The following PCDHB13 variants were observed in gnomAD, a reference collection of about 807,000 sequenced individuals.
PCDHB13 encodes protocadherin beta 13.
For missense variants in PCDHB13, 1,065 were observed against 1,016.7 expected, an observed-to-expected ratio of 1.05 and a Z score of -0.65; for synonymous variants, 515 against 450.7, an observed-to-expected ratio of 1.14 and a Z score of -1.81.
At position 141,217,818 on chromosome 5, in the gene PCDHB13, G is replaced by A. The variant is rs1033152781; in HGVS notation, c.*1298G>A. 12 of 166,972 alleles carry A rather than the reference G, an allele frequency of 7.2e-5. No homozygotes were observed. Among genetic ancestry groups the A allele is most frequent in the Non-Finnish European group, 1.6e-4 (11 of 68,120 alleles). 10.3% of individuals were successfully genotyped at this position (166,972 alleles called of 1,614,324 possible). The stretch of plus-strand genomic sequence containing the variant: ...ATGTAGAATAACAAAATGAGTAAAA[G>A]TATAGAGGCAAAACAAGCATGTGTA... On this transcript the variant is annotated 3_prime_UTR_variant, in exon 1 of 1. Coordinates refer to ENST00000341948, the MANE Select transcript of PCDHB13 (RefSeq NM_018933.4).
chr5:141,217,120 A>G lies in PCDHB13; in HGVS notation c.*600A>G, dbSNP rs1214392758. On this transcript the variant is annotated 3_prime_UTR_variant, in exon 1 of 1. Transcript: ENST00000341948. The stretch of plus-strand genomic sequence containing the variant: ...ATCCTGGAGAGGATTGTGCAGGCAC[A>G]TTAATATTGTGACCAATCACAGAAT... 4 of 168,298 alleles carry G rather than the reference A, an allele frequency of 2.4e-5. No homozygotes were observed. The highest frequency in any genetic ancestry group is 1.4e-5 in the Non-Finnish European group (1 of 69,076). The allele number at this position is 168,298 out of a possible 1,614,324, so 10.4% of individuals were successfully genotyped here.
chr5:141,216,440 A>T lies in PCDHB13; in HGVS notation c.2317A>T (p.Asn773Tyr), dbSNP rs140404643. 7.6e-5 allele frequency: 123 copies of T among 1,613,816 alleles called. 1 individual carries two copies. Among genetic ancestry groups the T allele is most frequent in the Middle Eastern group, 6.6e-4 (4 of 6,060 alleles). Reference sequence around the variant, plus strand: ...CAAGTTCCTGAAGCCGATTATCCCCAACTTCCCTCCCCAGTGCCCTGGGAA... The same window carrying T: ...CAAGTTCCTGAAGCCGATTATCCCCTACTTCCCTCCCCAGTGCCCTGGGAA... ...EFKFLKPIIP[N>Y]FPPQCPGKEI... The change falls in exon 1 of 1, where the codon AAC becomes TAC. Residue 773 changes from asparagine to tyrosine, a missense_variant. Coordinates refer to ENST00000341948, the MANE Select transcript of PCDHB13 (RefSeq NM_018933.4).
chr5:141,214,136 G>C lies in PCDHB13; in HGVS notation c.13G>C (p.Gly5Arg). 3.7e-6 allele frequency: 6 copies of C among 1,614,062 alleles called. No homozygotes were observed. Among genetic ancestry groups the C allele is most frequent in the Non-Finnish European group, 5.1e-6 (6 of 1,180,004 alleles). ...TCCAGCAAGAACAATGGAGGCCAGC[G>C]GGAAGCTCATTTGCAGACAAAGGCA... MEAS[G>R]KLICRQRQVL... The change falls in exon 1 of 1, where the codon GGG becomes CGG. Residue 5 changes from glycine to arginine, a missense_variant. Coordinates refer to ENST00000341948, the MANE Select transcript of PCDHB13 (RefSeq NM_018933.4).
In PCDHB13 at chr5:141,215,070, A is replaced by C; in HGVS notation, c.947A>C (p.Tyr316Ser). 6.2e-7 allele frequency: 1 copy of C among 1,614,218 alleles called. No homozygotes were observed. Among genetic ancestry groups the C allele is most frequent in the Non-Finnish European group, 8.5e-7 (1 of 1,180,030 alleles). ...CTCGATTTCGAAAAACTTCAGTCCTATGAAGTCAATATTGAGGCAAGAGAT... is the reference window on the plus strand; with the variant it reads ...CTCGATTTCGAAAAACTTCAGTCCTCTGAAGTCAATATTGAGGCAAGAGAT... The part of the protein sequence containing the change: ...KQLDFEKLQS[Y>S]EVNIEARDAG... Residue 316 changes from tyrosine to serine, a missense_variant, in exon 1 of 1, where the codon TAT (tyrosine) becomes TCT (serine). By Grantham distance (144) the Tyr-to-Ser change is moderately radical. Coordinates refer to ENST00000341948, the MANE Select transcript of PCDHB13 (RefSeq NM_018933.4).
In PCDHB13 at chr5:141,215,794, C is replaced by T. The variant is rs565649946; in HGVS notation, c.1671C>T (p.Asn557=). The T allele has an allele frequency of 9.9e-5, 160 of 1,611,504 alleles. 1 individual carries two copies. The highest frequency in any genetic ancestry group is 1.9e-5 in the Non-Finnish European group (23 of 1,179,702). Residue 557 remains asparagine, a synonymous_variant, in exon 1 of 1, where the codon AAC becomes AAT. Transcript: ENST00000341948. ...VRVVVLDAND[N]SPFVLYPLQN... ...TGGTGGTGCTGGACGCCAACGACAACTCGCCCTTCGTGCTGTACCCGCTGC... is the reference window on the plus strand; with the variant it reads ...TGGTGGTGCTGGACGCCAACGACAATTCGCCCTTCGTGCTGTACCCGCTGC...
rs17844613 is a variant in PCDHB13 at position 141,215,783 on chromosome 5, G to A, written c.1660G>A (p.Ala554Thr). 6.2e-7 allele frequency: 1 copy of A among 1,611,698 alleles called. No individual in the cohort carries two copies. Among genetic ancestry groups the A allele is most frequent in the Non-Finnish European group, 8.5e-7 (1 of 1,179,694 alleles). The change falls in exon 1 of 1, where the codon GCC becomes ACC. Residue 554 changes from alanine to threonine, a missense_variant. Coordinates refer to ENST00000341948, the MANE Select transcript of PCDHB13 (RefSeq NM_018933.4). ...GCTGGTGCGCGTGGTGGTGCTGGACGCCAACGACAACTCGCCCTTCGTGCT... is the reference window on the plus strand; with the variant it reads ...GCTGGTGCGCGTGGTGGTGCTGGACACCAACGACAACTCGCCCTTCGTGCT... ...EALVRVVVLD[A>T]NDNSPFVLYP...
rs1160257193 is a variant in PCDHB13, at chr5:141,218,135, G to GA, written c.*1616dup. The GA allele has an allele frequency of 1.3e-5, 2 of 155,494 alleles. No individual in the cohort carries two copies. The highest frequency in any genetic ancestry group is 2.4e-5 in the African/African-American group (1 of 41,360). 9.6% of individuals were successfully genotyped at this position (155,494 alleles called of 1,614,324 possible). A position where few individuals can be genotyped will look rare whatever the true frequency, so the allele number is the denominator to read the frequency against. On this transcript the variant is annotated 3_prime_UTR_variant, in exon 1 of 1. Coordinates refer to ENST00000341948, the MANE Select transcript of PCDHB13 (RefSeq NM_018933.4). ...CACTAATTTTTGCATATTTAGTAGA[G>GA]ACGAGGTTTCATCATATTGCCCAGA... is the stretch of plus-strand genomic sequence containing the variant.
rs949942294 is a variant in PCDHB13, at chr5:141,218,213, T to A, written c.*1693T>A. 1.2e-5 allele frequency: 2 copies of A among 165,594 alleles called. No homozygotes were observed. Among genetic ancestry groups the A allele is most frequent in the Admixed American group, 6.5e-5 (1 of 15,288 alleles). The allele number at this position is 165,594 out of a possible 1,614,324, so 10.3% of individuals were successfully genotyped here. On this transcript the variant is annotated 3_prime_UTR_variant, in exon 1 of 1. Transcript: ENST00000341948. Reference sequence around the variant, plus strand: ...GTCTGCCTGCCTCAGCCTCCCAAAGTGCTATGATTACAGGTATGAGCACCT... The same window carrying A: ...GTCTGCCTGCCTCAGCCTCCCAAAGAGCTATGATTACAGGTATGAGCACCT...
rs376915326 is a variant in PCDHB13 at position 141,216,463 on chromosome 5, G to T, written c.2340G>T (p.Gly780=). Residue 780 remains glycine, a synonymous_variant, in exon 1 of 1, where the codon GGG becomes GGT. Coordinates refer to ENST00000341948, the MANE Select transcript of PCDHB13 (RefSeq NM_018933.4). ...IIPNFPPQCP[G]KEIQGNSTFP... Reference sequence around the variant, plus strand: ...CCAACTTCCCTCCCCAGTGCCCTGGGAAAGAAATACAAGGAAATTCTACCT... The same window carrying T: ...CCAACTTCCCTCCCCAGTGCCCTGGTAAAGAAATACAAGGAAATTCTACCT... 2.5e-6 allele frequency: 4 copies of T among 1,613,964 alleles called. No homozygotes were observed. Among genetic ancestry groups the T allele is most frequent in the Non-Finnish European group, 3.4e-6 (4 of 1,180,022 alleles).
rs1554287937 is a variant in PCDHB13, at chr5:141,215,508, A to C, written c.1385A>C (p.Glu462Ala). ...ACCTCCTACACCCTGTTCGTCCGCG[A>C]GAACAACAGCCCCGCCCTGCACATC... Reference protein sequence around the residue: ...TQTSYTLFVRENNSPALHIRS... With the variant: ...TQTSYTLFVRANNSPALHIRS... Residue 462 changes from glutamate to alanine, a missense_variant, in exon 1 of 1, where the codon GAG (glutamate) becomes GCG (alanine). Coordinates refer to ENST00000341948, the MANE Select transcript of PCDHB13 (RefSeq NM_018933.4). The C allele has an allele frequency of 1.2e-6, 2 of 1,613,942 alleles. No homozygotes were observed. The highest frequency in any genetic ancestry group is 2.7e-5 in the African/African-American group (2 of 74,918).
chr5:141,216,248 G>T lies in PCDHB13; in HGVS notation c.2125G>T (p.Val709Leu), dbSNP rs1554288152. Reference sequence around the variant, plus strand: ...CTTCCTCTTTTCGGTGCTCCTGTTCGTGGCGGTGCGGCTGTGTAGGAGGAG... The same window carrying T: ...CTTCCTCTTTTCGGTGCTCCTGTTCTTGGCGGTGCGGCTGTGTAGGAGGAG... ...SLFLFSVLLF[V>L]AVRLCRRSRA... Residue 709 changes from valine to leucine, a missense_variant, in exon 1 of 1, where the codon GTG becomes TTG. Coordinates refer to ENST00000341948, the MANE Select transcript of PCDHB13 (RefSeq NM_018933.4). 1.9e-6 allele frequency: 3 copies of T among 1,613,464 alleles called. No individual in the cohort carries two copies. Among genetic ancestry groups the T allele is most frequent in the Non-Finnish European group, 2.5e-6 (3 of 1,179,968 alleles).
At position 141,216,818 on chromosome 5, in the gene PCDHB13, T is replaced by C. The variant is rs1445849001; in HGVS notation, c.*298T>C. On this transcript the variant is annotated 3_prime_UTR_variant, in exon 1 of 1. Coordinates refer to ENST00000341948, the MANE Select transcript of PCDHB13 (RefSeq NM_018933.4). Reference sequence around the variant, plus strand: ...TTTAGCTGAACTTCACCCACTATTATGCTTATGGTAAAATTAAATAGAGCA... The same window carrying C: ...TTTAGCTGAACTTCACCCACTATTACGCTTATGGTAAAATTAAATAGAGCA... 2.4e-6 allele frequency: 1 copy of C among 421,472 alleles called. No homozygotes were observed. The highest frequency in any genetic ancestry group is 4.5e-6 in the Non-Finnish European group (1 of 222,326). 26.1% of individuals were successfully genotyped at this position (421,472 alleles called of 1,614,324 possible). A position where few individuals can be genotyped will look rare whatever the true frequency, so the allele number is the denominator to read the frequency against.
At position 141,213,984 on chromosome 5, in the gene PCDHB13, G is replaced by A. The variant is rs1554287512; in HGVS notation, c.-140G>A. On this transcript the variant is annotated 5_prime_UTR_variant, in exon 1 of 1. Coordinates refer to ENST00000341948, the MANE Select transcript of PCDHB13 (RefSeq NM_018933.4). ...TCCACGGGGAGCTTGGATGCCAAAG[G>A]GAGGACGGCTGGGTCCTCTGGAGAG... 1.3e-5 allele frequency: 8 copies of A among 628,200 alleles called. No homozygotes were observed. The East Asian group carries it at 2.2e-4, about 17-fold the overall frequency. 38.9% of individuals were successfully genotyped at this position (628,200 alleles called of 1,614,324 possible).
rs1472565449 is a variant in PCDHB13 at position 141,214,155 on chromosome 5, A to C, written c.32A>C (p.Gln11Pro). ...GCCAGCGGGAAGCTCATTTGCAGAC[A>C]AAGGCAAGTCCTTTTTTCCTTTCTC... MEASGKLICR[Q>P]RQVLFSFLLL... is the part of the protein sequence containing the mutation. Residue 11 changes from glutamine (Q) to proline (P), a missense_variant, in exon 1 of 1, where the codon CAA becomes CCA. Physicochemically the swap from Gln to Pro is moderately conservative, Grantham distance 76. Coordinates refer to ENST00000341948, the MANE Select transcript of PCDHB13 (RefSeq NM_018933.4). 1.2e-6 allele frequency: 2 copies of C among 1,613,746 alleles called. No homozygotes were observed. Among genetic ancestry groups the C allele is most frequent in the African/African-American group, 2.7e-5 (2 of 74,806 alleles).
rs141166235 is a variant in PCDHB13 at position 141,214,684 on chromosome 5, T to A, written c.561T>A (p.Ser187Arg). 113 of 1,614,000 alleles carry A rather than the reference T, an allele frequency of 7.0e-5. No homozygotes were observed. The African/African-American group carries it at 1.3e-3, about 19-fold the overall frequency. ...TTCGGGTCCTCACCCGCAAACGCAG[T>A]GATGGCAGGAAATACCCAGAGCTGG... ...SYFRVLTRKR[S>R]DGRKYPELVL... Residue 187 changes from serine (S) to arginine (R), a missense_variant, in exon 1 of 1, where the codon AGT becomes AGA. By Grantham distance (110) the Ser-to-Arg change is moderately radical. Transcript: ENST00000341948.
chr5:141,216,319 T>A lies in PCDHB13; in HGVS notation c.2196T>A (p.Leu732=). 1.2e-6 allele frequency: 2 copies of A among 1,614,096 alleles called. No homozygotes were observed. Among genetic ancestry groups the A allele is most frequent in the Non-Finnish European group, 1.7e-6 (2 of 1,180,008 alleles). The change falls in exon 1 of 1, where the codon CTT becomes CTA. Residue 732 remains leucine (L), a synonymous_variant. Transcript: ENST00000341948. ...GCTGCTTGGTGCCCGAGGGCCCCCT[T>A]CCAGGGCATCTTGTGGACATGAGCG... The part of the protein sequence containing the change: ...VGRCLVPEGP[L]PGHLVDMSGT...
In PCDHB13 at chr5:141,215,990, G is replaced by T. The variant is rs782239673; in HGVS notation, c.1867G>T (p.Glu623Ter). The T allele has an allele frequency of 1.9e-6, 3 of 1,606,914 alleles. No homozygotes were observed. Among genetic ancestry groups the T allele is most frequent in the Non-Finnish European group, 1.7e-6 (2 of 1,179,554 alleles). ...GTTCGGCGTGTGGGCGCACAATGGC[G>T]AGGTGCGCACCGCCAGGCTGCTGAG... is the stretch of plus-strand genomic sequence containing the variant. Reference protein sequence around the residue: ...GLFGVWAHNGEVRTARLLSER... With the variant: ...GLFGVWAHNG Residue 623 changes from glutamate (E) to a stop codon, truncating the protein, a stop_gained, in exon 1 of 1, where the codon GAG (glutamate) becomes TAG (stop). Coordinates refer to ENST00000341948, the MANE Select transcript of PCDHB13 (RefSeq NM_018933.4). LOFTEE classifies it low-confidence loss of function (END_TRUNC).
In PCDHB13 at chr5:141,215,409, C is replaced by T. The variant is rs1286412025; in HGVS notation, c.1286C>T (p.Pro429Leu). The change falls in exon 1 of 1, where the codon CCT becomes CTT. Residue 429 changes from proline (P) to leucine (L), a missense_variant. Coordinates refer to ENST00000341948, the MANE Select transcript of PCDHB13 (RefSeq NM_018933.4). Reference protein sequence around the residue: ...ITITVTDLGTPMLITQLNMTV... With the variant: ...ITITVTDLGTLMLITQLNMTV... Reference sequence around the variant, plus strand: ...ATCACTGTCACTGACTTGGGGACCCCTATGCTGATAACACAGCTCAATATG... The same window carrying T: ...ATCACTGTCACTGACTTGGGGACCCTTATGCTGATAACACAGCTCAATATG... 6.2e-6 allele frequency: 10 copies of T among 1,614,054 alleles called. No individual in the cohort carries two copies. The Admixed American group carries it at 1.5e-4, about 24-fold the overall frequency.
At position 141,214,735 on chromosome 5, in the gene PCDHB13, G is replaced by A. The variant is rs782760430; in HGVS notation, c.612G>A (p.Glu204=). The change falls in exon 1 of 1, where the codon GAG becomes GAA. Residue 204 remains glutamate, a synonymous_variant. Coordinates refer to ENST00000341948, the MANE Select transcript of PCDHB13 (RefSeq NM_018933.4). ...TGCTGGACAAAGCGCTGGACCGAGAGGAAGAAGCTGAGCTCAGGTTAACAC... is the reference window on the plus strand; with the variant it reads ...TGCTGGACAAAGCGCTGGACCGAGAAGAAGAAGCTGAGCTCAGGTTAACAC... ...ELVLDKALDR[E]EEAELRLTLT... is the part of the protein sequence containing the mutation. The A allele has an allele frequency of 1.9e-6, 3 of 1,614,036 alleles. No individual in the cohort carries two copies. The highest frequency in any genetic ancestry group is 2.5e-6 in the Non-Finnish European group (3 of 1,180,026).
Sources: allele counts gnomAD v4.1 joint callset, GRCh38; gene constraint gnomAD v4.1.1; transcripts MANE v1.5; gene names NCBI Gene and HGNC (gene_info 2026-07-23, HGNC 2026-07-21).